Variants in COPS4 observed in about 807,000 individuals in gnomAD.
COPS4 encodes the protein COP9 signalosome complex subunit 4.
A neutral mutation model predicts 55.1 loss-of-function variants in COPS4; 8 were observed. The observed-to-expected ratio is 0.15, with a 90% confidence interval of 0.09 to 0.26. COPS4 has a LOEUF of 0.26. Among genes scored for constraint, COPS4 ranks in the 10% least tolerant of loss-of-function variants. The probability of loss-of-function intolerance (pLI) is 1.00; values close to 1 mark genes in which losing one functional copy is unlikely to be tolerated. For synonymous variants in COPS4, 185 were observed against 165.7 expected, an observed-to-expected ratio of 1.12 and a Z score of -0.90; for missense variants, 248 against 484.0, an observed-to-expected ratio of 0.51 and a Z score of 4.58.
chr4:83,056,048 C>T (rs1480156316), intron 4 of COPS4, among the ~76,000 whole-genome samples: 2 of 151,962 alleles, frequency 1.3e-5, no homozygotes, highest in East Asian at 3.9e-4. Flanking sequence ...CCTGTCTCAG[C>T]CTCCCGAGTA....
intron 1 of COPS4, 31 bp downstream of exon 1, chr4:83,035,329 G>A: frequency 6.7e-7 from 1 of 1,498,308 alleles, no homozygotes; most frequent in Non-Finnish European, 9.0e-7. Flanking sequence ...CGGGAGTACA[G>A]AGGTGGGGAA....
intron 4 of COPS4, among the ~76,000 whole-genome samples, chr4:83,056,594 C>A (rs562251300): frequency 6.6e-6 from 1 of 152,014 alleles, no homozygotes; most frequent in Non-Finnish European, 1.5e-5. Context: ...GTCAGGAGAT[C>A]GAAACCATCC....
intron 7 of COPS4, among the ~76,000 whole-genome samples, chr4:83,064,729 T>A (rs1264736148): frequency 2.0e-5 from 3 of 152,060 alleles, no homozygotes; most frequent in Non-Finnish European, 4.4e-5. Flanking sequence ...CTGGTTAATA[T>A]TTTAATTTTT....
intron 9 of COPS4, among the ~76,000 whole-genome samples, chr4:83,074,799 C>G (rs1731530338): frequency 1.3e-5 from 2 of 152,010 alleles, no homozygotes; most frequent in Admixed American, 6.5e-5. Context: ...AGCCACCATG[C>G]CTGGCCTGAG....
At chr4:83,071,100 G>C (rs991430061) in intron 9 of COPS4, among the ~76,000 whole-genome samples, 1 of 152,012 alleles carries the variant, frequency 6.6e-6, no homozygotes, top group East Asian at 1.9e-4. Context: ...ATATTCTCAT[G>C]TCAGCCTGAA....
At chr4:83,043,518 C>CAAAAAAAAA (rs34480105) in intron 1 of COPS4, among the ~76,000 whole-genome samples, 1 of 17,668 alleles carries the variant, frequency 5.7e-5, no homozygotes, top group African/African-American at 1.6e-4. Flanking sequence ...GACCCTGTCT[C>CAAAAAAAAA]AAAAAAAAAA....
intron 6 of COPS4, among the ~76,000 whole-genome samples, chr4:83,059,924 A>ATT (rs1395415376): frequency 1.3e-5 from 2 of 151,932 alleles, no homozygotes; most frequent in African/African-American, 4.8e-5. Flanking sequence ...GATGGTCTCG[A>ATT]TCTCCTGACC....
rs768825065 is a variant in COPS4, at chr4:83,075,397, A to T, written c.1188A>T (p.Thr396=). Residue 396 remains threonine (T), a synonymous_variant, in exon 10 of 10, where the codon ACA becomes ACT. Transcript: ENST00000264389. The part of the protein sequence containing the change: ...EKISQTAPEW[T]AQAMEAQMAQ Reference sequence around the variant, plus strand: ...TTAGTCAAACAGCACCAGAATGGACAGCACAAGCCATGGAAGCCCAGATGG... The same window carrying T: ...TTAGTCAAACAGCACCAGAATGGACTGCACAAGCCATGGAAGCCCAGATGG... The T allele has an allele frequency of 7.4e-6, 12 of 1,614,062 alleles. No individual in the cohort carries two copies. In the South Asian group the frequency reaches 1.2e-4, roughly 16 times the overall value.
chr4:83,037,856 G>T (rs1730466994), intron 1 of COPS4, among the ~76,000 whole-genome samples: 1 of 152,128 alleles, frequency 6.6e-6, no homozygotes, highest in Non-Finnish European at 1.5e-5. Context: ...CTAGAAAGGG[G>T]CAGTGCTTGT....
At chr4:83,059,438 C>T (rs1358333595) in intron 6 of COPS4, among the ~76,000 whole-genome samples, 8 of 151,706 alleles carry the variant, frequency 5.3e-5, no homozygotes, top group East Asian at 1.9e-4. Flanking sequence ...TATTGAGAAC[C>T]GGAAAGCTCC....
At chr4:83,063,409 A>T (rs1265522047) in intron 7 of COPS4, among the ~76,000 whole-genome samples, 163 bp downstream of exon 7, 1 of 150,574 alleles carries the variant, frequency 6.6e-6, no homozygotes, top group South Asian at 2.1e-4. Context: ...AATTTATAAA[A>T]TTTTTTTTGA....
Position 83,068,672 on chromosome 4 carries a change from G to T in COPS4, c.1087+150G>T. 7 of 595,264 alleles carry T rather than the reference G, an allele frequency of 1.2e-5. 1 individual carries two copies. The South Asian group carries it at 1.6e-4, about 13-fold the overall frequency. 36.9% of individuals were successfully genotyped at this position (595,264 alleles called of 1,614,324 possible). A position where few individuals can be genotyped will look rare whatever the true frequency, so the allele number is the denominator to read the frequency against. Reference sequence around the variant, plus strand: ...AGAAATAATTTAAAATAATTTTTAAGAAGTTATATTCATGAGGCTGGGCAT... The same window carrying T: ...AGAAATAATTTAAAATAATTTTTAATAAGTTATATTCATGAGGCTGGGCAT... On this transcript the variant is annotated intron_variant, in intron 9 of 9. Coordinates refer to ENST00000264389, the MANE Select transcript of COPS4 (RefSeq NM_016129.3).
intron 1 of COPS4, among the ~76,000 whole-genome samples, chr4:83,039,911 A>G (rs1730516025): frequency 6.6e-6 from 1 of 152,180 alleles, no homozygotes; most frequent in South Asian, 2.1e-4. Context: ...TGTTGGGATT[A>G]CAGGTGTGGG....
In COPS4 at chr4:83,075,277, T is replaced by G. The variant is rs375112956; in HGVS notation, c.1088-20T>G. 4.6e-5 allele frequency: 74 copies of G among 1,610,874 alleles called. No homozygotes were observed. The highest frequency in any genetic ancestry group is 5.9e-5 in the Non-Finnish European group (69 of 1,178,544). On this transcript the variant is annotated intron_variant, in intron 9 of 9. Transcript: ENST00000264389. ...ATACAAAGGAATAATTTTAATTTTG[T>G]ACATTTTTTTTCCCCTTAGCACGAG...
intron 1 of COPS4, 143 bp from the exon 2 acceptor site, chr4:83,045,482 AT>A (rs1730683840): frequency 2.0e-6 from 1 of 498,640 alleles, no homozygotes; most frequent in Non-Finnish European, 3.5e-6. Flanking sequence ...TTAAAAAAAA[AT>A]CTGTGGTATA....
intron 4 of COPS4, among the ~76,000 whole-genome samples, chr4:83,055,830 A>G (rs1578712631): frequency 6.6e-6 from 1 of 152,130 alleles, no homozygotes; most frequent in African/African-American, 2.4e-5. Flanking sequence ...ATAGATATTT[A>G]TAAATAAATA....
chr4:83,040,639 C>CAGTCAGCAAATGCCTTT (rs1209936544), intron 1 of COPS4, among the ~76,000 whole-genome samples: 1 of 152,210 alleles, frequency 6.6e-6, no homozygotes, highest in Non-Finnish European at 1.5e-5. Context: ...CATCTTTCCA[C>CAGTCAGCAAATGCCTTT]AGTCAGCAAA....
chr4:83,038,363 T>G (rs1220645926), intron 1 of COPS4, among the ~76,000 whole-genome samples: 1 of 152,228 alleles, frequency 6.6e-6, no homozygotes, highest in African/African-American at 2.4e-5. Context: ...TTGAAATACC[T>G]TGCTCTGAGG....
chr4:83,073,931 C>T (rs989389692), intron 9 of COPS4, among the ~76,000 whole-genome samples: 3 of 147,348 alleles, frequency 2.0e-5, no homozygotes, highest in African/African-American at 7.5e-5. Flanking sequence ...CACTCCAGCC[C>T]AGATGACAGA....
Sources: allele counts gnomAD v4.1 joint callset (sites outside exome capture counted in the v4.1 genomes callset), GRCh38; gene constraint gnomAD v4.1.1; transcripts MANE v1.5; gene names NCBI Gene and HGNC (gene_info 2026-07-23, HGNC 2026-07-21).